PPARGC1A: variants seen among roughly 807,000 people sequenced by gnomAD.
The protein encoded by PPARGC1A is peroxisome proliferator-activated receptor gamma coactivator 1-alpha.
PPARGC1A carries 25 observed loss-of-function variants against 88.7 expected under a neutral mutation model. That is an observed-to-expected ratio of 0.28 (90% CI 0.21 to 0.39). The LOEUF is 0.39. Among genes scored for constraint, PPARGC1A ranks in the 10% least tolerant of loss-of-function variants. The pLI, the probability that PPARGC1A is intolerant of heterozygous loss-of-function variation, is 1.00. For synonymous variants in PPARGC1A, 363 were observed against 355.6 expected, an observed-to-expected ratio of 1.02 and a Z score of -0.24; for missense variants, 880 against 968.7, an observed-to-expected ratio of 0.91 and a Z score of 1.22.
chr4:23,854,798 G>A (rs767698751), intron 2 of PPARGC1A, among the ~76,000 whole-genome samples: 1 of 152,016 alleles, frequency 6.6e-6, no homozygotes, highest in Non-Finnish European at 1.5e-5. Flanking sequence ...TAGACACCGG[G>A]TAAATCCCAG....
chr4:24,155,627 GATC>G, the PPARGC1A span, among the ~76,000 whole-genome samples: 1 of 151,588 alleles, frequency 6.6e-6, no homozygotes, highest in Non-Finnish European at 1.5e-5. Context: ...AGAGGAATAT[GATC>G]ATTATGTTTA....
At chr4:24,446,833 C>T in the PPARGC1A span, among the ~76,000 whole-genome samples, 4 of 152,250 alleles carry the variant, frequency 2.6e-5, no homozygotes, top group African/African-American at 9.6e-5. Context: ...CTCCTGACCT[C>T]AGGTGATCCA....
chr4:24,300,003 T>C, the PPARGC1A span, among the ~76,000 whole-genome samples: 2 of 152,336 alleles, frequency 1.3e-5, no homozygotes, highest in African/African-American at 2.4e-5. Context: ...ATATTTGCAA[T>C]TTAAGCTTTT....
the PPARGC1A span, among the ~76,000 whole-genome samples, chr4:24,399,249 A>G: frequency 6.6e-6 from 1 of 152,204 alleles, no homozygotes; most frequent in Non-Finnish European, 1.5e-5. Context: ...TATGTTAGTT[A>G]TATTTTATCT....
the PPARGC1A span, among the ~76,000 whole-genome samples, chr4:24,415,888 C>A: frequency 6.6e-6 from 1 of 152,080 alleles, no homozygotes; most frequent in South Asian, 2.1e-4. Context: ...AGTGAGATTG[C>A]AGGGATTTGA....
chr4:24,336,832 G>A, the PPARGC1A span, among the ~76,000 whole-genome samples: 10 of 152,262 alleles, frequency 6.6e-5, no homozygotes, highest in African/African-American at 2.4e-4. Context: ...GGAGGCTAAG[G>A]AAGGAGGACT....
chr4:24,446,215 C>T, the PPARGC1A span, among the ~76,000 whole-genome samples: 2 of 152,234 alleles, frequency 1.3e-5, no homozygotes, highest in African/African-American at 2.4e-5. Context: ...AATTTCCCCA[C>T]ATCTTCACCA....
chr4:24,355,722 C>T, the PPARGC1A span, among the ~76,000 whole-genome samples: 1 of 152,038 alleles, frequency 6.6e-6, no homozygotes, highest in Non-Finnish European at 1.5e-5. Context: ...ACACACCAGT[C>T]ACAAACCCGC....
At chr4:24,059,729 T>C in the PPARGC1A span, among the ~76,000 whole-genome samples, 26 of 152,372 alleles carry the variant, frequency 1.7e-4, no homozygotes, top group South Asian at 5.2e-3. Context: ...TTCGCAATTC[T>C]GGATCCAGTA....
At chr4:24,032,035 G>T in the PPARGC1A span, among the ~76,000 whole-genome samples, 1 of 152,134 alleles carries the variant, frequency 6.6e-6, no homozygotes. Context: ...AATCCTGTAT[G>T]ACATTCTTTT....
At chr4:23,853,778 A>C (rs140549830) in intron 2 of PPARGC1A, among the ~76,000 whole-genome samples, 79 of 152,322 alleles carry the variant, frequency 5.2e-4, no homozygotes, top group African/African-American at 1.8e-3. Context: ...AGTATCTTCC[A>C]CATGCAAGTC....
At chr4:23,930,052 G>A in the PPARGC1A span, among the ~76,000 whole-genome samples, 3 of 152,096 alleles carry the variant, frequency 2.0e-5, no homozygotes, top group South Asian at 2.1e-4. Flanking sequence ...AGGGTGCCAC[G>A]TTAAATATAT....
At chr4:23,976,816 C>T in the PPARGC1A span, among the ~76,000 whole-genome samples, 1 of 152,118 alleles carries the variant, frequency 6.6e-6, no homozygotes, top group Non-Finnish European at 1.5e-5. Context: ...GATTTCTGGC[C>T]TCCAGAACTG....
chr4:24,122,097 G>T, the PPARGC1A span, among the ~76,000 whole-genome samples: 1 of 152,068 alleles, frequency 6.6e-6, no homozygotes, highest in Non-Finnish European at 1.5e-5. Context: ...GTTTGGGTTC[G>T]GTGTGACAGT....
the PPARGC1A span, among the ~76,000 whole-genome samples, chr4:24,034,589 G>A: frequency 6.6e-6 from 1 of 152,182 alleles, no homozygotes; most frequent in Non-Finnish European, 1.5e-5. Context: ...GGAGAGGGAA[G>A]TAGATTGTGG....
the PPARGC1A span, among the ~76,000 whole-genome samples, chr4:24,280,158 G>T: frequency 6.6e-6 from 1 of 152,154 alleles, no homozygotes; most frequent in Non-Finnish European, 1.5e-5. Flanking sequence ...TTCTCATAGA[G>T]CAACTCGACA....
At chr4:23,900,887 A>G (rs1376225294), upstream of PPARGC1A, among the ~76,000 whole-genome samples, 5 of 152,180 alleles carry the variant, frequency 3.3e-5, no homozygotes, top group Non-Finnish European at 5.9e-5. Context: ...GCTGGCCACA[A>G]AGTTATTTGA....
the PPARGC1A span, among the ~76,000 whole-genome samples, chr4:24,437,625 TTG>T: frequency 5.3e-5 from 8 of 151,668 alleles, no homozygotes; most frequent in Non-Finnish European, 1.2e-4. Flanking sequence ...GTTGTTGTTG[TTG>T]TTGTTGTTGT....
chr4:24,168,738 A>G, the PPARGC1A span, among the ~76,000 whole-genome samples: 1 of 152,242 alleles, frequency 6.6e-6, no homozygotes, highest in East Asian at 1.9e-4. Flanking sequence ...AGCCAGAACA[A>G]GAAAAATACT....
Sources: allele counts gnomAD v4.1 joint callset (sites outside exome capture counted in the v4.1 genomes callset), GRCh38; gene constraint gnomAD v4.1.1; transcripts MANE v1.5; gene names NCBI Gene and HGNC (gene_info 2026-07-23, HGNC 2026-07-21).